IL16: variants seen among roughly 807,000 people sequenced by gnomAD.
The protein encoded by IL16 is pro-interleukin-16.
In IL16, 67 loss-of-function variants were observed where a neutral mutation model predicts 110.1. That is an observed-to-expected ratio of 0.61 (90% CI 0.50 to 0.75). The LOEUF (loss-of-function observed/expected upper bound fraction) is 0.75, where lower values mean the gene tolerates loss of function less well. IL16 is among the 30% of genes least tolerant of loss of function. The probability of loss-of-function intolerance (pLI) is 0.00; values close to 1 mark genes in which losing one functional copy is unlikely to be tolerated. For synonymous variants in IL16, 689 were observed against 662.9 expected, an observed-to-expected ratio of 1.04 and a Z score of -0.61; for missense variants, 1,545 against 1,655.0, an observed-to-expected ratio of 0.93 and a Z score of 1.15.
At chr15:81,253,963 A>G (rs1897857328) in intron 2 of IL16, among the ~76,000 whole-genome samples, 1 of 152,148 alleles carries the variant, frequency 6.6e-6, no homozygotes, top group South Asian at 2.1e-4. Flanking sequence ...ATCATCCCAC[A>G]TGACATGTGG....
chr15:81,230,061 C>T (rs965417775), intron 2 of IL16, among the ~76,000 whole-genome samples: 3 of 151,974 alleles, frequency 2.0e-5, no homozygotes, highest in Admixed American at 6.5e-5. Flanking sequence ...GGGGCATGGG[C>T]GTGAAGAATC....
intron 12 of IL16, among the ~76,000 whole-genome samples, chr15:81,293,625 G>C (rs17875485): frequency 0.011 from 1,718 of 152,252 alleles, 32 homozygotes; most frequent in African/African-American, 0.04. Flanking sequence ...GCTTAAACCC[G>C]GGAGGAGTGG....
At chr15:81,186,444 C>T (rs66933405) in intron 1 of IL16, among the ~76,000 whole-genome samples, 12,573 of 152,086 alleles carry the variant, frequency 0.083, 530 homozygotes, top group Middle Eastern at 0.099. Context: ...TGAAAAAGCA[C>T]GGTGAGCTTT....
At chr15:81,231,373 TCTCTCTCTCC>T (rs1896978154) in intron 2 of IL16, among the ~76,000 whole-genome samples, 2 of 145,608 alleles carry the variant, frequency 1.4e-5, no homozygotes, top group African/African-American at 5.2e-5. Flanking sequence ...TCTCTCTCTC[TCTCTCTCTCC>T]CTCTCTTAAG....
At chr15:81,212,551 A>T (rs1439342436) in intron 1 of IL16, among the ~76,000 whole-genome samples, 1 of 152,108 alleles carries the variant, frequency 6.6e-6, no homozygotes, top group Non-Finnish European at 1.5e-5. Flanking sequence ...GGCTTACTGC[A>T]GCCTTGACTC....
chr15:81,191,185 G>A (rs1316057973), intron 1 of IL16, among the ~76,000 whole-genome samples: 1 of 152,212 alleles, frequency 6.6e-6, no homozygotes. Flanking sequence ...ATTAAACCAA[G>A]TGATTCTTCT....
At chr15:81,254,628 A>G (rs959166687) in intron 2 of IL16, among the ~76,000 whole-genome samples, 2 of 152,190 alleles carry the variant, frequency 1.3e-5, no homozygotes, top group Non-Finnish European at 1.5e-5. Flanking sequence ...TGATGAGAAT[A>G]GGGAAAATGT....
At chr15:81,285,974 G>C in intron 10 of IL16, 144 bp downstream of exon 10, 1 of 870,958 alleles carries the variant, frequency 1.1e-6, no homozygotes, top group East Asian at 2.4e-5. Context: ...TCTGTAGTAA[G>C]AATTGTCTGC....
At chr15:81,244,409 A>G (rs1255677129) in intron 2 of IL16, among the ~76,000 whole-genome samples, 2 of 151,802 alleles carry the variant, frequency 1.3e-5, no homozygotes, top group Non-Finnish European at 2.9e-5. Context: ...ATTTTCCTTC[A>G]TCTCAGAATC....
In IL16 at chr15:81,183,271, C is replaced by G. The variant is rs551012356; in HGVS notation, c.40+375C>G. On this transcript the variant is annotated intron_variant, in intron 1 of 18. Coordinates refer to the IL16 transcript ENST00000302987. ...GGCAGAGGCATCAGTGTCTAAAACG[C>G]TAGCTGTCAGGGTCCCCACCAGTTC... Among the ~76,000 whole-genome samples, 8 of 152,298 alleles carry G rather than the reference C, an allele frequency of 5.3e-5. No homozygotes were observed. In the South Asian group the frequency reaches 1.7e-3, roughly 32 times the overall value.
At chr15:81,239,756 C>A (rs921231675) in intron 2 of IL16, among the ~76,000 whole-genome samples, 1 of 150,764 alleles carries the variant, frequency 6.6e-6, no homozygotes, top group African/African-American at 2.5e-5. Context: ...GCCAGGCTGG[C>A]GAGAACAGGC....
intron 10 of IL16, among the ~76,000 whole-genome samples, chr15:81,287,133 G>A (rs1899488273): frequency 6.6e-6 from 1 of 152,228 alleles, no homozygotes; most frequent in East Asian, 1.9e-4. Flanking sequence ...GCAACATGAG[G>A]CAATGCTTGG....
At chr15:81,284,640 C>T (rs955623301) in intron 9 of IL16, among the ~76,000 whole-genome samples, 3 of 152,176 alleles carry the variant, frequency 2.0e-5, no homozygotes, top group Non-Finnish European at 2.9e-5. Context: ...AGAAGGAAGT[C>T]ACAGAACACA....
Position 81,299,695 on chromosome 15 carries a change from C to T in IL16, c.2369C>T (p.Ala790Val). The T allele has an allele frequency of 6.2e-7, 1 of 1,614,208 alleles. No homozygotes were observed. The highest frequency in any genetic ancestry group is 8.5e-7 in the Non-Finnish European group (1 of 1,180,044). ...GGTCCTCCTGTGGCTCCCAAGCCAGCCTGGTTTCGCCAAAGCTTGAAAGGT... is the reference window on the plus strand; with the variant it reads ...GGTCCTCCTGTGGCTCCCAAGCCAGTCTGGTTTCGCCAAAGCTTGAAAGGT... Reference protein sequence around the residue: ...KKGPPVAPKPAWFRQSLKGLR... With the variant: ...KKGPPVAPKPVWFRQSLKGLR... Residue 790 changes from alanine (A) to valine (V), a missense_variant, in exon 14 of 19, where the codon GCC becomes GTC. By Grantham distance (64) the Ala-to-Val change is moderately conservative. This residue lies in a region of IL16 where 1,185 missense variants were observed against 1,238.8 expected (regional missense o/e 0.96). Transcript: ENST00000683961.
rs1052912192 is a variant in IL16 at position 81,303,944 on chromosome 15, T to C, written c.3420+294T>C. Among the ~76,000 whole-genome samples, 2 of 152,384 alleles carry C rather than the reference T, an allele frequency of 1.3e-5. 1 individual carries two copies. The highest frequency in any genetic ancestry group is 4.1e-4 in the South Asian group (2 of 4,834). On this transcript the variant is annotated intron_variant, in intron 16 of 18. Transcript: ENST00000683961. This position sits in a 1 kb window ranked among gnomAD's most constrained non-coding sequence, Gnocchi z 4.1. ...GTACCTGACCCAGATGGTTTCTGGT[T>C]CTGCCAGTTTTGTGGAGCCATGCTG... is the stretch of plus-strand genomic sequence containing the variant.
intron 1 of IL16, among the ~76,000 whole-genome samples, chr15:81,188,641 C>T (rs891415611): frequency 1.3e-5 from 2 of 152,158 alleles, no homozygotes; most frequent in Admixed American, 1.3e-4. Flanking sequence ...ATACGTATGC[C>T]TGTAACAGGT....
At chr15:81,306,294 A>G in intron 17 of IL16, 126 bp from the exon 18 acceptor site, 1 of 1,517,808 alleles carries the variant, frequency 6.6e-7, no homozygotes, top group South Asian at 1.2e-5. Flanking sequence ...ACACTGCCTG[A>G]GACGTGTTTA....
chr15:81,280,143 C>T (rs1164114489), intron 8 of IL16, among the ~76,000 whole-genome samples: 1 of 152,202 alleles, frequency 6.6e-6, no homozygotes, highest in East Asian at 1.9e-4. Context: ...AGTTTCCCTA[C>T]CTGTGGCAGA....
intron 2 of IL16, among the ~76,000 whole-genome samples, chr15:81,234,122 CT>C (rs1210162076): frequency 6.6e-6 from 1 of 151,958 alleles, no homozygotes; most frequent in East Asian, 1.9e-4. Flanking sequence ...CGTGGTATAT[CT>C]TTTTTCCTTC....
Sources: gnomAD v4.1 joint callset for allele counts (sites outside exome capture counted in the v4.1 genomes callset) on GRCh38, gnomAD v4.1.1 for gene constraint, gnomAD v4.1.1 regional missense constraint, Gnocchi (gnomAD v3.1) non-coding constraint, MANE v1.5 for transcripts, NCBI Gene and HGNC (gene_info 2026-07-23, HGNC 2026-07-21) for gene names.